NEK6: variants seen among roughly 807,000 people sequenced by gnomAD.
The protein encoded by NEK6 is serine/threonine-protein kinase Nek6.
NEK6 carries 27 observed loss-of-function variants against 43.5 expected under a neutral mutation model. The ratio of observed to expected loss-of-function variants is 0.62; its 90% CI spans 0.46 to 0.86. The LOEUF (loss-of-function observed/expected upper bound fraction) is 0.86, where lower values mean the gene tolerates loss of function less well. NEK6 is among the 40% of genes least tolerant of loss of function. The pLI, the probability that NEK6 is intolerant of heterozygous loss-of-function variation, is 0.00. For synonymous variants in NEK6, 167 were observed against 164.1 expected (o/e 1.02, Z -0.14); for missense variants, 318 against 414.4 (o/e 0.77, Z 2.02).
intron 2 of NEK6, among the ~76,000 whole-genome samples, chr9:124,307,151 A>G (rs191955190): frequency 4.0e-4 from 60 of 151,594 alleles, no homozygotes; most frequent in Admixed American, 2.0e-3. Context: ...AGATTCGTCT[A>G]TGGCTGAGGC....
chr9:124,260,116 C>G (rs1268379069), intron 1 of NEK6, among the ~76,000 whole-genome samples: 1 of 152,140 alleles, frequency 6.6e-6, no homozygotes, highest in Non-Finnish European at 1.5e-5. Context: ...AGCCTGTGTC[C>G]TGGGGCAGCT....
At chr9:124,276,260 G>C (rs761130373) in intron 1 of NEK6, among the ~76,000 whole-genome samples, 17 of 152,182 alleles carry the variant, frequency 1.1e-4, no homozygotes, top group Non-Finnish European at 1.5e-4. Context: ...AGGGGCTTCA[G>C]TGGCTCCAGA....
At chr9:124,347,651 CT>C in intron 8 of NEK6, 57 bp from the exon 9 acceptor site, 1 of 1,152,212 alleles carries the variant, frequency 8.7e-7, no homozygotes, top group Non-Finnish European at 1.3e-6. Context: ...CTCCTCCTCT[CT>C]AGTCCTTCTG....
intron 1 of NEK6, among the ~76,000 whole-genome samples, chr9:124,258,668 G>T (rs1331673096): frequency 6.6e-6 from 1 of 152,256 alleles, no homozygotes; most frequent in Admixed American, 6.5e-5. Context: ...TGGCCCCCGA[G>T]CCAGGGAGCC....
chr9:124,280,771 G>A (rs773102055), intron 1 of NEK6, among the ~76,000 whole-genome samples: 2 of 152,148 alleles, frequency 1.3e-5, no homozygotes, highest in African/African-American at 2.4e-5. Context: ...ATAATTTCAC[G>A]CTTTGCTTTG....
rs114986102 is a variant in NEK6, at chr9:124,334,298, C to T, written c.623-5273C>T. On this transcript the variant is annotated intron_variant, in intron 7 of 9. Coordinates refer to ENST00000320246, the MANE Select transcript of NEK6 (RefSeq NM_014397.6). ...GGGGTTGGATGGATGGATGGATGGA[C>T]GATAGACAATTATGGATGGTTGGAC... Among the ~76,000 whole-genome samples, 440 of 152,092 alleles carry T rather than the reference C, an allele frequency of 2.9e-3. 1 individual carries two copies. Among genetic ancestry groups the T allele is most frequent in the African/African-American group, 0.01 (423 of 41,478 alleles).
In NEK6 at chr9:124,280,770, C is replaced by CGCTTT. The variant is rs1831868904; in HGVS notation, c.-29-21155_-29-21151dup. Among the ~76,000 whole-genome samples the CGCTTT allele has an allele frequency of 2.0e-5, 3 of 152,288 alleles. No homozygotes were observed. The Middle Eastern group carries it at 0.01, about 518-fold the overall frequency. On this transcript the variant is annotated intron_variant, in intron 1 of 9. Coordinates refer to ENST00000320246, the MANE Select transcript of NEK6 (RefSeq NM_014397.6). ...CATTTGCACATTGTGTATAATTTCA[C>CGCTTT]GCTTTGCTTTGCTTTTTTCTCTTCA...
intron 1 of NEK6, among the ~76,000 whole-genome samples, chr9:124,290,568 C>A (rs1158707435): frequency 6.6e-6 from 1 of 152,242 alleles, no homozygotes; most frequent in African/African-American, 2.4e-5. Context: ...GGTGGTTTGC[C>A]CAGGGCAGAA....
At chr9:124,292,220 C>A (rs1417005742) in intron 1 of NEK6, 2 of 1,255,104 alleles carry the variant, frequency 1.6e-6, no homozygotes, top group East Asian at 5.9e-5. Context: ...GGCTGCACCT[C>A]TGCCACCCAC....
intron 1 of NEK6, chr9:124,292,182 A>T: frequency 2.4e-6 from 3 of 1,257,844 alleles, no homozygotes; most frequent in Non-Finnish European, 3.0e-6. Flanking sequence ...AGGGACCTCC[A>T]GGGCTGGAGC....
intron 1 of NEK6, among the ~76,000 whole-genome samples, chr9:124,270,253 G>A (rs1831386910): frequency 6.6e-6 from 1 of 152,178 alleles, no homozygotes; most frequent in South Asian, 2.1e-4. Flanking sequence ...GCGGGGCCTG[G>A]CACACAAGAC....
intron 4 of NEK6, among the ~76,000 whole-genome samples, chr9:124,316,295 G>A (rs141169305): frequency 2.1e-3 from 324 of 152,344 alleles, no homozygotes; most frequent in African/African-American, 7.4e-3. Flanking sequence ...GAACGCAGGC[G>A]TGTGTTCATT....
chr9:124,344,469 C>T (rs944647984), intron 8 of NEK6, among the ~76,000 whole-genome samples: 13 of 152,192 alleles, frequency 8.5e-5, no homozygotes, highest in African/African-American at 2.2e-4. Context: ...GGGGCCCCAG[C>T]GGAGTGTCTT....
chr9:124,312,384 G>A, intron 2 of NEK6, 125 bp from the exon 3 acceptor site: 1 of 1,170,598 alleles, frequency 8.5e-7, no homozygotes, highest in Non-Finnish European at 1.2e-6. Flanking sequence ...TCCCAGAGCA[G>A]GGTTGGCAGC....
At chr9:124,300,851 G>A (rs535160109) in intron 1 of NEK6, among the ~76,000 whole-genome samples, 10 of 152,330 alleles carry the variant, frequency 6.6e-5, no homozygotes, top group African/African-American at 1.7e-4. Context: ...CAGCTGAGCT[G>A]CTCCAGGAGC....
intron 5 of NEK6, among the ~76,000 whole-genome samples, chr9:124,325,080 CAGG>C (rs1257991584): frequency 6.6e-6 from 1 of 152,032 alleles, no homozygotes; most frequent in Non-Finnish European, 1.5e-5. Flanking sequence ...GAGACTGAGG[CAGG>C]AGAATTGCTT....
At chr9:124,338,743 C>T (rs1465157867) in intron 7 of NEK6, among the ~76,000 whole-genome samples, 2 of 152,230 alleles carry the variant, frequency 1.3e-5, no homozygotes. Flanking sequence ...CAAACCTCTT[C>T]ACCCATCTGA....
At chr9:124,270,889 G>A (rs948377319) in intron 1 of NEK6, among the ~76,000 whole-genome samples, 3 of 152,200 alleles carry the variant, frequency 2.0e-5, no homozygotes, top group Non-Finnish European at 4.4e-5. Context: ...GAAGCCCTAC[G>A]CTTGGGGCTC....
chr9:124,262,460 G>T (rs1831068850), intron 1 of NEK6, among the ~76,000 whole-genome samples: 1 of 152,252 alleles, frequency 6.6e-6, no homozygotes, highest in African/African-American at 2.4e-5. Context: ...TGCTTGTGTG[G>T]AAACAGACCC....
Sources: allele counts gnomAD v4.1 joint callset (sites outside exome capture counted in the v4.1 genomes callset), GRCh38; gene constraint gnomAD v4.1.1; transcripts MANE v1.5; gene names NCBI Gene and HGNC (gene_info 2026-07-23, HGNC 2026-07-21).